The following MAN2B2 variants were observed in gnomAD, a reference collection of about 807,000 sequenced individuals.
MAN2B2 encodes mannosidase alpha class 2B member 2, also known as epididymis-specific alpha-mannosidase.
In MAN2B2, 106 loss-of-function variants were observed where a neutral mutation model predicts 117.1. The ratio of observed to expected loss-of-function variants is 0.90; its 90% CI spans 0.77 to 1.06. The LOEUF (loss-of-function observed/expected upper bound fraction) is 1.06, where lower values mean the gene tolerates loss of function less well. MAN2B2 is among the 50% of genes least tolerant of loss of function. The pLI, the probability that MAN2B2 is intolerant of heterozygous loss-of-function variation, is 0.00. For missense variants in MAN2B2, 1,326 were observed against 1,381.4 expected, an observed-to-expected ratio of 0.96 and a Z score of 0.64; for synonymous variants, 544 against 595.1, an observed-to-expected ratio of 0.91 and a Z score of 1.25.
intron 5 of MAN2B2, 96 bp from the exon 6 acceptor site, chr4:6,593,077 C>T: frequency 1.7e-6 from 2 of 1,181,814 alleles, no homozygotes; most frequent in Non-Finnish European, 2.4e-6. Flanking sequence ...AATGATGTGC[C>T]AAGGTCCCAA....
intron 5 of MAN2B2, among the ~76,000 whole-genome samples, chr4:6,590,703 T>C (rs1726822893): frequency 6.6e-6 from 1 of 152,236 alleles, no homozygotes; most frequent in Non-Finnish European, 1.5e-5. Flanking sequence ...ATAGGGGTGC[T>C]GTGGATGCAG....
chr4:6,587,105 C>T lies in MAN2B2; in HGVS notation c.501C>T (p.Gly167=). 1 of 1,613,992 alleles carries T rather than the reference C, an allele frequency of 6.2e-7. No homozygotes were observed. The highest frequency in any genetic ancestry group is 8.5e-7 in the Non-Finnish European group (1 of 1,180,018). Residue 167 remains glycine (G), a synonymous_variant, in exon 4 of 19, where the codon GGC becomes GGT. Transcript: ENST00000285599. ...ATTPTLFALA[G]FNAHLGSRID... ...CGCCCACCCTATTTGCGCTGGCGGG[C>T]TTCAATGCCCACCTCGGCTCCCGGA...
intron 3 of MAN2B2, among the ~76,000 whole-genome samples, chr4:6,584,408 A>T (rs1182023570): frequency 1.3e-5 from 2 of 152,166 alleles, no homozygotes; most frequent in Non-Finnish European, 2.9e-5. Context: ...GGCTTTCTAT[A>T]CCCATAGTCT....
chr4:6,578,844 G>A (rs1726169656), intron 3 of MAN2B2, among the ~76,000 whole-genome samples: 1 of 151,966 alleles, frequency 6.6e-6, no homozygotes, highest in Non-Finnish European at 1.5e-5. Context: ...GTATTAAATG[G>A]GATAATTCAA....
intron 15 of MAN2B2, among the ~76,000 whole-genome samples, chr4:6,611,848 TG>T (rs1194794925): frequency 1.3e-5 from 2 of 152,164 alleles, no homozygotes. Flanking sequence ...TGTCACCAGG[TG>T]GGGGTCTTTC....
intron 1 of MAN2B2, 136 bp from the exon 2 acceptor site, chr4:6,576,442 C>G: frequency 1.0e-6 from 1 of 1,000,752 alleles, no homozygotes; most frequent in Non-Finnish European, 1.5e-6. Context: ...TGCCTAATAG[C>G]TGTGTGGGGG....
intron 9 of MAN2B2, 140 bp downstream of exon 9, chr4:6,598,494 G>A (rs1727199563): frequency 1.1e-6 from 1 of 905,820 alleles, no homozygotes; most frequent in Non-Finnish European, 1.6e-6. Context: ...TGAGAGCTCG[G>A]ACAGGTGGCT....
intron 16 of MAN2B2, among the ~76,000 whole-genome samples, chr4:6,615,848 G>C (rs976146809): frequency 2.0e-5 from 3 of 151,840 alleles, no homozygotes; most frequent in Non-Finnish European, 2.9e-5. Context: ...CTGTTGCCCA[G>C]GCTGGAGTGC....
chr4:6,611,533 T>C (rs1711554352), intron 15 of MAN2B2, among the ~76,000 whole-genome samples: 1 of 147,872 alleles, frequency 6.8e-6, no homozygotes, highest in Admixed American at 6.6e-5. Flanking sequence ...CTTCCCTGTA[T>C]CTTCTCCATT....
At position 6,611,338 on chromosome 4, in the gene MAN2B2, C is replaced by T. The variant is rs556570895; in HGVS notation, c.2563+60C>T. ...TGCCTCAGCACCAGCCAGGCCAGGGCGGGCCTTGGGAGGGGCCTGTGCCCT... is the reference window on the plus strand; with the variant it reads ...TGCCTCAGCACCAGCCAGGCCAGGGTGGGCCTTGGGAGGGGCCTGTGCCCT... On this transcript the variant is annotated intron_variant, in intron 15 of 18. Transcript: ENST00000285599. 3.9e-4 allele frequency: 592 copies of T among 1,508,870 alleles called. No individual in the cohort carries two copies. The highest frequency in any genetic ancestry group is 5.0e-4 in the Non-Finnish European group (567 of 1,124,370). 93.5% of individuals were successfully genotyped at this position (1,508,870 alleles called of 1,614,324 possible). A position where few individuals can be genotyped will look rare whatever the true frequency, so the allele number is the denominator to read the frequency against.
At chr4:6,583,078 C>T (rs1388304250) in intron 3 of MAN2B2, among the ~76,000 whole-genome samples, 2 of 152,148 alleles carry the variant, frequency 1.3e-5, no homozygotes, top group African/African-American at 2.4e-5. Context: ...TTCAGCCATC[C>T]CCCACAGTGT....
At chr4:6,604,753 T>C (rs568672880) in intron 10 of MAN2B2, among the ~76,000 whole-genome samples, 11 of 151,968 alleles carry the variant, frequency 7.2e-5, no homozygotes, top group Non-Finnish European at 1.6e-4. Flanking sequence ...GTCATCACTT[T>C]GGTTGATGAA....
chr4:6,597,189 G>T lies in MAN2B2; in HGVS notation c.1134G>T (p.Leu378Phe). ...LKGLARRASALLYAGESMFTR... is the reference protein window; with the variant it reads ...LKGLARRASAFLYAGESMFTR... ...GGCTGGCCCGGCGAGCCAGCGCCTT[G>T]TTGTATGCCGGGGAGTCCATGTTCA... Residue 378 changes from leucine (L) to phenylalanine (F), a missense_variant, in exon 8 of 19, where the codon TTG (leucine) becomes TTT (phenylalanine). Coordinates refer to ENST00000285599, the MANE Select transcript of MAN2B2 (RefSeq NM_015274.3). 6.2e-7 allele frequency: 1 copy of T among 1,612,784 alleles called. No homozygotes were observed. The highest frequency in any genetic ancestry group is 8.5e-7 in the Non-Finnish European group (1 of 1,179,760).
intron 5 of MAN2B2, 47 bp from the exon 6 acceptor site, chr4:6,593,126 G>A (rs1177837928): frequency 1.3e-6 from 2 of 1,589,108 alleles, no homozygotes; most frequent in Non-Finnish European, 1.7e-6. Flanking sequence ...AGCCCTGGCT[G>A]TCCACAGAGT....
chr4:6,611,177 T>C lies in MAN2B2; in HGVS notation c.2462T>C (p.Leu821Pro). 2 of 1,613,978 alleles carry C rather than the reference T, an allele frequency of 1.2e-6. No homozygotes were observed. Among genetic ancestry groups the C allele is most frequent in the Non-Finnish European group, 1.7e-6 (2 of 1,180,026 alleles). Residue 821 changes from leucine to proline, a missense_variant, in exon 15 of 19, where the codon CTC becomes CCC. Transcript: ENST00000285599. ...GACACCTCAGTCGTCCACCCAGTGCTCTGGCTTCTGCTGGGATCCTGGTCC... is the reference window on the plus strand; with the variant it reads ...GACACCTCAGTCGTCCACCCAGTGCCCTGGCTTCTGCTGGGATCCTGGTCC... ...LNDTSVVHPVLWLLLGSWSLT... is the reference protein window; with the variant it reads ...LNDTSVVHPVPWLLLGSWSLT...
chr4:6,612,229 GA>G (rs1282878613), intron 15 of MAN2B2, among the ~76,000 whole-genome samples: 1 of 152,324 alleles, frequency 6.6e-6, no homozygotes, highest in African/African-American at 2.4e-5. Flanking sequence ...CCATACACTG[GA>G]GATGCAGAAG....
At chr4:6,614,485 C>A (rs1711761576) in intron 16 of MAN2B2, 130 bp downstream of exon 16, 1 of 1,136,964 alleles carries the variant, frequency 8.8e-7, no homozygotes. Context: ...GGTTTCTTAT[C>A]TGGCACATGG....
In MAN2B2 at chr4:6,589,092, G is replaced by C. The variant is rs1368725998; in HGVS notation, c.612G>C (p.Gln204His). 6.2e-7 allele frequency: 1 copy of C among 1,614,072 alleles called. No individual in the cohort carries two copies. Among genetic ancestry groups the C allele is most frequent in the Non-Finnish European group, 8.5e-7 (1 of 1,180,036 alleles). ...WRGSPSLSER[Q>H]EIFTHIMDQY... Reference sequence around the variant, plus strand: ...GGTCCCCATCCCTCTCAGAGCGGCAGGAAATCTTCACGCACATCATGGACC... The same window carrying C: ...GGTCCCCATCCCTCTCAGAGCGGCACGAAATCTTCACGCACATCATGGACC... Residue 204 changes from glutamine (Q) to histidine (H), a missense_variant, in exon 5 of 19, where the codon CAG (glutamine) becomes CAC (histidine). Transcript: ENST00000285599.
At chr4:6,581,540 A>T (rs1349107841) in intron 3 of MAN2B2, among the ~76,000 whole-genome samples, 1 of 152,004 alleles carries the variant, frequency 6.6e-6, no homozygotes, top group Admixed American at 6.6e-5. Flanking sequence ...GCTGTGAATT[A>T]TGTCCACATT....
Sources: allele counts gnomAD v4.1 joint callset (sites outside exome capture counted in the v4.1 genomes callset), GRCh38; gene constraint gnomAD v4.1.1; transcripts MANE v1.5; gene names NCBI Gene and HGNC (gene_info 2026-07-23, HGNC 2026-07-21).